Variants in FSTL5 observed in about 807,000 individuals in gnomAD.
FSTL5 encodes follistatin like 5.
Under a neutral mutation model 89.1 loss-of-function variants are expected in FSTL5, and 62 were observed. The observed-to-expected ratio is 0.70, with a 90% CI of 0.57 to 0.86. The LOEUF is 0.86. Ranked by LOEUF, FSTL5 falls within the 40% of genes least tolerant of loss-of-function variation. The probability of loss-of-function intolerance (pLI) is 0.00; values close to 1 mark genes in which losing one functional copy is unlikely to be tolerated. For missense variants in FSTL5, 1,057 were observed against 1,001.6 expected, an observed-to-expected ratio of 1.06 and a Z score of -0.75; for synonymous variants, 383 against 346.2, an observed-to-expected ratio of 1.11 and a Z score of -1.18.
At chr4:161,515,654 G>T (rs2126507687) in intron 10 of FSTL5, among the ~76,000 whole-genome samples, 1 of 150,734 alleles carries the variant, frequency 6.6e-6, no homozygotes, top group East Asian at 1.9e-4. Context: ...CTTTATACAT[G>T]GTTTCAAATA....
intron 4 of FSTL5, among the ~76,000 whole-genome samples, chr4:161,821,705 A>G (rs537246651): frequency 3.5e-4 from 54 of 152,254 alleles, no homozygotes; most frequent in African/African-American, 1.3e-3. Context: ...AATTAGAATA[A>G]TGGTCTCCAA....
intron 15 of FSTL5, among the ~76,000 whole-genome samples, chr4:161,428,263 G>A (rs1309940184): frequency 6.6e-6 from 1 of 152,140 alleles, no homozygotes; most frequent in African/African-American, 2.4e-5. Context: ...GGGCTCCGGG[G>A]TCCTAAATAA....
rs139799366 is a variant in FSTL5 at position 161,971,899 on chromosome 4, T to G, written c.161-51247A>C. On this transcript the variant is annotated intron_variant, in intron 3 of 15. Transcript: ENST00000306100. The stretch of plus-strand genomic sequence containing the variant: ...TACCTCATCCAGTCTGTTTCCCAGT[T>G]GATGATGCTTTCTAATTATCTCAAA... Among the ~76,000 whole-genome samples the G allele has an allele frequency of 9.6e-3, 1,468 of 152,288 alleles. 27 individuals carry two copies. Among genetic ancestry groups the G allele is most frequent in the African/African-American group, 0.032 (1,331 of 41,562 alleles).
intron 12 of FSTL5, among the ~76,000 whole-genome samples, chr4:161,492,044 T>C (rs956498852): frequency 3.3e-5 from 5 of 152,318 alleles, no homozygotes; most frequent in Middle Eastern, 3.4e-3. Flanking sequence ...GTCAATTTCA[T>C]CTCCATTTTA....
intron 4 of FSTL5, among the ~76,000 whole-genome samples, chr4:161,912,136 A>G (rs937714851): frequency 2.0e-5 from 3 of 152,292 alleles, no homozygotes; most frequent in African/African-American, 4.8e-5. Context: ...TTTTTTTACC[A>G]CTGTGTTTTT....
rs70937658 is a variant in FSTL5 at position 161,496,787 on chromosome 4, AAGATAGAGATAGAGATAG to A, written c.1458+3211_1458+3228del. On this transcript the variant is annotated intron_variant, in intron 12 of 15. Transcript: ENST00000306100. The stretch of plus-strand genomic sequence containing the variant: ...TCTATATAGGAGATAGATAGAGAAA[AAGATAGAGATAGAGATAG>A]AGATAGAGATAGAGATAGAGATAGA... 3.4e-4 allele frequency among the ~76,000 whole-genome samples: 49 copies of A among 143,836 alleles called. 1 individual carries two copies. Among genetic ancestry groups the A allele is most frequent in the Non-Finnish European group, 6.5e-4 (43 of 66,278 alleles). The allele number at this position is 143,836 out of a possible 152,430, so 94.4% of individuals were successfully genotyped here. A position where few individuals can be genotyped will look rare whatever the true frequency, so the allele number is the denominator to read the frequency against.
chr4:161,429,022 A>C (rs529212612), intron 15 of FSTL5, among the ~76,000 whole-genome samples: 1 of 152,212 alleles, frequency 6.6e-6, no homozygotes, highest in Non-Finnish European at 1.5e-5. Context: ...TCCCAGGCCT[A>C]GCAGCACTTA....
At chr4:161,643,970 A>C (rs983624024) in intron 7 of FSTL5, among the ~76,000 whole-genome samples, 7 of 152,204 alleles carry the variant, frequency 4.6e-5, no homozygotes, top group African/African-American at 1.7e-4. Flanking sequence ...GTGTCAGTAC[A>C]GTGCAAACAT....
At chr4:161,409,951 A>G (rs1272589263) in intron 15 of FSTL5, among the ~76,000 whole-genome samples, 1 of 152,198 alleles carries the variant, frequency 6.6e-6, no homozygotes, top group Non-Finnish European at 1.5e-5. Flanking sequence ...CGTTGCATAA[A>G]AAAACAAGAC....
At chr4:161,771,413 A>G (rs751128743) in intron 5 of FSTL5, among the ~76,000 whole-genome samples, 1 of 152,106 alleles carries the variant, frequency 6.6e-6, no homozygotes, top group Non-Finnish European at 1.5e-5. Flanking sequence ...GCCAGTTTAT[A>G]TATCGAGAAA....
At chr4:161,831,032 C>T (rs76297158) in intron 4 of FSTL5, among the ~76,000 whole-genome samples, 2 of 151,876 alleles carry the variant, frequency 1.3e-5, no homozygotes, top group African/African-American at 4.8e-5. Context: ...TTAAATGAAA[C>T]TTTCATGTCC....
chr4:162,054,864 A>G (rs1738487668), intron 2 of FSTL5, among the ~76,000 whole-genome samples: 1 of 151,840 alleles, frequency 6.6e-6, no homozygotes, highest in Non-Finnish European at 1.5e-5. Flanking sequence ...ACTTCATTAC[A>G]AGTTGCAAAA....
At chr4:162,066,482 G>A (rs12504063) in intron 2 of FSTL5, among the ~76,000 whole-genome samples, 16 of 147,502 alleles carry the variant, frequency 1.1e-4, no homozygotes, top group Non-Finnish European at 2.1e-4. Context: ...TGCTGCATAG[G>A]TATACATGTG....
rs76674005 is a variant in FSTL5 at position 162,135,965 on chromosome 4, C to T, written c.-16-24553G>A. On this transcript the variant is annotated intron_variant, in intron 1 of 15. Coordinates refer to ENST00000306100, the MANE Select transcript of FSTL5 (RefSeq NM_020116.5). ...GATCTTCATCTTTCACATTCTATCT[C>T]GCTTTTCATGCACTCTTGTGACTCT... 1.3e-3 allele frequency among the ~76,000 whole-genome samples: 191 copies of T among 152,044 alleles called. 2 individuals carry two copies. Among genetic ancestry groups the T allele is most frequent in the East Asian group, 8.9e-3 (46 of 5,172 alleles).
intron 4 of FSTL5, among the ~76,000 whole-genome samples, chr4:161,867,856 T>C (rs1298792925): frequency 6.6e-6 from 1 of 151,926 alleles, no homozygotes; most frequent in Non-Finnish European, 1.5e-5. Context: ...CAATCATCTA[T>C]AATAAAAAAT....
intron 4 of FSTL5, among the ~76,000 whole-genome samples, chr4:161,860,242 C>T (rs370724353): frequency 7.9e-5 from 12 of 152,126 alleles, no homozygotes; most frequent in East Asian, 7.8e-4. Flanking sequence ...GAGAGGAGAT[C>T]GCGCCACTGC....
At chr4:161,816,649 C>A (rs1730335131) in intron 4 of FSTL5, among the ~76,000 whole-genome samples, 1 of 151,950 alleles carries the variant, frequency 6.6e-6, no homozygotes, top group Non-Finnish European at 1.5e-5. Flanking sequence ...AATTTTCGGC[C>A]CAGACTAAAA....
intron 2 of FSTL5, among the ~76,000 whole-genome samples, chr4:162,061,198 T>C (rs535026481): frequency 6.6e-6 from 1 of 152,158 alleles, no homozygotes; most frequent in Admixed American, 6.6e-5. Flanking sequence ...TAATAGGAGA[T>C]AGGTTGAGAG....
intron 15 of FSTL5, among the ~76,000 whole-genome samples, chr4:161,406,503 A>C (rs943220728): frequency 6.6e-6 from 1 of 152,018 alleles, no homozygotes; most frequent in South Asian, 2.1e-4. Flanking sequence ...TGGGGGATGA[A>C]ATTTTCTAAA....
Sources: allele counts gnomAD v4.1 joint callset (sites outside exome capture counted in the v4.1 genomes callset), GRCh38; gene constraint gnomAD v4.1.1; transcripts MANE v1.5; gene names NCBI Gene and HGNC (gene_info 2026-07-23, HGNC 2026-07-21).